The following EDIL3 variants were observed in gnomAD, a reference collection of about 807,000 sequenced individuals.
EDIL3 encodes EGF like and discoidin domains 3, also known as EGF-like repeat and discoidin I-like domain-containing protein 3.
In EDIL3, 37 loss-of-function variants were observed where a neutral mutation model predicts 67.4. The ratio of observed to expected loss-of-function variants is 0.55; its 90% CI spans 0.42 to 0.72. The LOEUF (loss-of-function observed/expected upper bound fraction) is 0.72, where lower values mean the gene tolerates loss of function less well. Ranked by LOEUF, EDIL3 falls within the 30% of genes least tolerant of loss-of-function variation. The pLI, the probability that EDIL3 is intolerant of heterozygous loss-of-function variation, is 0.00. For missense variants in EDIL3, 527 were observed against 586.3 expected (o/e 0.90, Z 1.04); for synonymous variants, 195 against 196.3 (o/e 0.99, Z 0.05).
At chr5:83,989,428 G>A (rs1224318775) in intron 9 of EDIL3, among the ~76,000 whole-genome samples, 1 of 152,148 alleles carries the variant, frequency 6.6e-6, no homozygotes, top group African/African-American at 2.4e-5. Flanking sequence ...GTTTGTCCAG[G>A]AGAATGTTGT....
At chr5:84,192,755 A>G (rs1743619120) in intron 3 of EDIL3, among the ~76,000 whole-genome samples, 1 of 152,024 alleles carries the variant, frequency 6.6e-6, no homozygotes, top group Admixed American at 6.6e-5. Flanking sequence ...ACGTCAGTAA[A>G]CGAGAGGACT....
intron 3 of EDIL3, among the ~76,000 whole-genome samples, chr5:84,198,530 T>G (rs1484202956): frequency 6.6e-6 from 1 of 152,110 alleles, no homozygotes; most frequent in Non-Finnish European, 1.5e-5. Flanking sequence ...GCTATTGTTC[T>G]TGACGTGATC....
chr5:84,170,237 T>C (rs1313186303), intron 4 of EDIL3, among the ~76,000 whole-genome samples: 1 of 152,186 alleles, frequency 6.6e-6, no homozygotes, highest in Admixed American at 6.5e-5. Flanking sequence ...GCCTGAGATA[T>C]CTGAACCCTG....
chr5:84,095,569 T>C (rs1035500591), intron 6 of EDIL3, among the ~76,000 whole-genome samples: 6 of 152,146 alleles, frequency 3.9e-5, no homozygotes, highest in African/African-American at 7.2e-5. Context: ...TTGTGGAACT[T>C]TGAACTTGAG....
At chr5:84,065,876 G>A (rs1429843425) in intron 7 of EDIL3, among the ~76,000 whole-genome samples, 4 of 152,094 alleles carry the variant, frequency 2.6e-5, no homozygotes, top group African/African-American at 7.2e-5. Context: ...AGCACTTTGG[G>A]AGGCTGAGAC....
At chr5:84,025,045 T>C (rs409486) in intron 9 of EDIL3, among the ~76,000 whole-genome samples, 91,490 of 151,950 alleles carry the variant, frequency 0.6, 28,979 homozygotes, top group East Asian at 0.75. Context: ...CTCCAGTAGA[T>C]ATTTTTGTGT....
At chr5:84,166,845 G>A (rs1440608967) in intron 4 of EDIL3, among the ~76,000 whole-genome samples, 1 of 152,072 alleles carries the variant, frequency 6.6e-6, no homozygotes, top group Non-Finnish European at 1.5e-5. Context: ...GAGGAGGCCA[G>A]GTAAATGATC....
chr5:84,132,827 A>T (rs2112311470), intron 5 of EDIL3, among the ~76,000 whole-genome samples: 1 of 151,794 alleles, frequency 6.6e-6, no homozygotes, highest in African/African-American at 2.4e-5. Context: ...AAATTTGCAA[A>T]AACTGGATAA....
chr5:84,061,626 T>C (rs1266353238), intron 8 of EDIL3, among the ~76,000 whole-genome samples: 2 of 152,150 alleles, frequency 1.3e-5, no homozygotes, highest in Admixed American at 6.6e-5. Context: ...AACAACTTTC[T>C]ACCTAAATTT....
chr5:84,096,813 G>A (rs1247381417), intron 6 of EDIL3, among the ~76,000 whole-genome samples: 2 of 152,168 alleles, frequency 1.3e-5, no homozygotes, highest in Admixed American at 1.3e-4. Flanking sequence ...ATTTCCACAT[G>A]TGTGGGAGGG....
Position 84,130,143 on chromosome 5 carries a change from G to C in EDIL3, c.469+7098C>G, listed in dbSNP as rs568099296. Among the ~76,000 whole-genome samples the C allele has an allele frequency of 3.3e-5, 5 of 152,126 alleles. No individual in the cohort carries two copies. In the South Asian group the frequency reaches 1.0e-3, roughly 32 times the overall value. The stretch of plus-strand genomic sequence containing the variant: ...ACATTCTTATGGTCTCGGCTTTCAT[G>C]CCACTTTCCTAACTCCCCCAAACAA... On this transcript the variant is annotated intron_variant, in intron 5 of 10. Transcript: ENST00000296591.
chr5:84,309,434 T>A (rs1304863342), intron 1 of EDIL3, among the ~76,000 whole-genome samples: 1 of 151,654 alleles, frequency 6.6e-6, no homozygotes, highest in East Asian at 2.0e-4. Flanking sequence ...GCTGGTGCAC[T>A]GTACCCACTA....
At chr5:84,320,838 G>A (rs1266971678) in intron 1 of EDIL3, among the ~76,000 whole-genome samples, 2 of 152,146 alleles carry the variant, frequency 1.3e-5, no homozygotes, top group African/African-American at 4.8e-5. Flanking sequence ...GAAAAGTTAA[G>A]GCAGTTTATA....
intron 9 of EDIL3, among the ~76,000 whole-genome samples, chr5:83,992,448 C>A (rs1745167829): frequency 6.6e-6 from 1 of 152,046 alleles, no homozygotes; most frequent in African/African-American, 2.4e-5. Flanking sequence ...AATACATGGC[C>A]TACTACAATT....
chr5:83,956,843 T>C (rs147240002), intron 10 of EDIL3, among the ~76,000 whole-genome samples: 8 of 151,806 alleles, frequency 5.3e-5, no homozygotes, highest in Admixed American at 4.6e-4. Context: ...CCCATAAATA[T>C]ACATACCTGT....
intron 4 of EDIL3, among the ~76,000 whole-genome samples, chr5:84,160,916 G>C (rs1748602158): frequency 6.7e-6 from 1 of 149,586 alleles, no homozygotes; most frequent in Admixed American, 6.7e-5. Flanking sequence ...AAGTTCTTTA[G>C]TGGTGATTTC....
At chr5:84,240,421 C>T (rs72776572) in intron 2 of EDIL3, among the ~76,000 whole-genome samples, 13,520 of 152,132 alleles carry the variant, frequency 0.089, 671 homozygotes, top group South Asian at 0.2. Context: ...TGAATAGAGG[C>T]TCTATATCCA....
intron 9 of EDIL3, among the ~76,000 whole-genome samples, chr5:84,055,627 C>A (rs932426882): frequency 9.2e-5 from 14 of 152,030 alleles, no homozygotes; most frequent in Non-Finnish European, 1.6e-4. Context: ...AAACAAACAA[C>A]CCCATCAAAA....
rs1175022611 is a variant in EDIL3, at chr5:83,943,118, C to T, written c.*301G>A. 1.8e-5 allele frequency: 5 copies of T among 285,662 alleles called. No individual in the cohort carries two copies. The Admixed American group carries it at 2.4e-4, about 14-fold the overall frequency. 17.7% of individuals were successfully genotyped at this position (285,662 alleles called of 1,614,324 possible). A position where few individuals can be genotyped will look rare whatever the true frequency, so the allele number is the denominator to read the frequency against. ...TACTCTTGCTATAAAAAGAAGGCTACTTTCTTTCCCTAATATATTTCTACC... is the reference window on the plus strand; with the variant it reads ...TACTCTTGCTATAAAAAGAAGGCTATTTTCTTTCCCTAATATATTTCTACC... On this transcript the variant is annotated 3_prime_UTR_variant, in exon 11 of 11. Transcript: ENST00000296591.
Sources: gnomAD v4.1 joint callset for allele counts (sites outside exome capture counted in the v4.1 genomes callset) on GRCh38, gnomAD v4.1.1 for gene constraint, MANE v1.5 for transcripts, NCBI Gene and HGNC (gene_info 2026-07-23, HGNC 2026-07-21) for gene names.